ARHGAP28: variants seen among roughly 807,000 people sequenced by gnomAD.
ARHGAP28 encodes the protein rho GTPase-activating protein 28.
Under a neutral mutation model 90.7 loss-of-function variants are expected in ARHGAP28, and 56 were observed. That is an observed-to-expected ratio of 0.62 (90% CI 0.50 to 0.77). The LOEUF (loss-of-function observed/expected upper bound fraction) is 0.77. Ranked by LOEUF, ARHGAP28 falls within the 30% of genes least tolerant of loss-of-function variation. The probability of loss-of-function intolerance (pLI) is 0.00; values close to 1 mark genes in which losing one functional copy is unlikely to be tolerated. For missense variants in ARHGAP28, 869 were observed against 900.9 expected (o/e 0.96, Z 0.45); for synonymous variants, 308 against 323.3 (o/e 0.95, Z 0.51).
intron 1 of ARHGAP28, among the ~76,000 whole-genome samples, chr18:6,808,522 T>C (rs1429592894): frequency 6.6e-6 from 1 of 152,194 alleles, no homozygotes; most frequent in Non-Finnish European, 1.5e-5. Flanking sequence ...CTAGATTTTG[T>C]TGTATTTCCT....
chr18:6,799,083 A>T (rs908238196), intron 1 of ARHGAP28, among the ~76,000 whole-genome samples: 1 of 152,232 alleles, frequency 6.6e-6, no homozygotes, highest in Non-Finnish European at 1.5e-5. Context: ...GATCAGGGAC[A>T]ATATCCTAGA....
At chr18:6,855,399 C>G (rs2056944811) in intron 4 of ARHGAP28, among the ~76,000 whole-genome samples, 1 of 152,158 alleles carries the variant, frequency 6.6e-6, no homozygotes, top group Non-Finnish European at 1.5e-5. Flanking sequence ...TCAGGGACTA[C>G]CAATTGTGGG....
chr18:6,819,385 C>A (rs2056612085), intron 1 of ARHGAP28, among the ~76,000 whole-genome samples: 3 of 152,020 alleles, frequency 2.0e-5, no homozygotes, highest in Non-Finnish European at 4.4e-5. Context: ...GCTGTGGATA[C>A]AAAGAAGTCT....
chr18:6,730,868 A>G (rs1055767477), intron 1 of ARHGAP28, among the ~76,000 whole-genome samples: 1 of 152,086 alleles, frequency 6.6e-6, no homozygotes, highest in Admixed American at 6.5e-5. Flanking sequence ...ATTTTTAATC[A>G]TTTCTTTTAT....
chr18:6,910,520 G>A (rs1042183855), intron 17 of ARHGAP28, among the ~76,000 whole-genome samples: 4 of 152,040 alleles, frequency 2.6e-5, no homozygotes, highest in African/African-American at 9.7e-5. Flanking sequence ...TCCCCAGGAT[G>A]CCCTCCCCCC....
chr18:6,772,297 GTCATATTTATT>G (rs1567942196), intron 1 of ARHGAP28, among the ~76,000 whole-genome samples: 1 of 152,118 alleles, frequency 6.6e-6, no homozygotes, highest in African/African-American at 2.4e-5. Context: ...AGAATGTAAG[GTCATATTTATT>G]ACATTTGTTT....
At chr18:6,847,219 T>A (rs2056872420) in intron 3 of ARHGAP28, among the ~76,000 whole-genome samples, 1 of 152,062 alleles carries the variant, frequency 6.6e-6, no homozygotes, top group Non-Finnish European at 1.5e-5. Flanking sequence ...TTTCACCAGA[T>A]TTCCAGGCAG....
At chr18:6,827,476 C>T (rs1425136058) in intron 2 of ARHGAP28, among the ~76,000 whole-genome samples, 1 of 145,630 alleles carries the variant, frequency 6.9e-6, no homozygotes, top group Admixed American at 6.7e-5. Context: ...TCCTCACTTC[C>T]CAGTAGGGGC....
At chr18:6,881,303 G>A (rs2057176094) in intron 10 of ARHGAP28, among the ~76,000 whole-genome samples, 1 of 152,226 alleles carries the variant, frequency 6.6e-6, no homozygotes, top group Non-Finnish European at 1.5e-5. Flanking sequence ...AGCTTTTAGA[G>A]TTCCCTTTCT....
intron 1 of ARHGAP28, among the ~76,000 whole-genome samples, chr18:6,756,955 G>C (rs192239486): frequency 2.0e-5 from 3 of 152,276 alleles, no homozygotes; most frequent in Non-Finnish European, 4.4e-5. Context: ...CCCACGTTGA[G>C]GGTGGGTCTG....
intron 1 of ARHGAP28, among the ~76,000 whole-genome samples, chr18:6,741,125 C>G (rs1467194668): frequency 6.6e-6 from 1 of 152,102 alleles, no homozygotes; most frequent in Non-Finnish European, 1.5e-5. Context: ...AAGTTGGAGT[C>G]TTGAAAACAT....
chr18:6,752,784 G>A (rs72882597), intron 1 of ARHGAP28, among the ~76,000 whole-genome samples: 2,610 of 152,160 alleles, frequency 0.017, 35 homozygotes, highest in Non-Finnish European at 0.027. Context: ...CTTTTGTTCC[G>A]CTCAGCACTC....
At chr18:6,850,944 A>G in intron 3 of ARHGAP28, 90 bp from the exon 4 acceptor site, 1 of 1,565,506 alleles carries the variant, frequency 6.4e-7, no homozygotes, top group Non-Finnish European at 8.7e-7. Context: ...GTACATATAT[A>G]TAAAAACTCT....
chr18:6,730,853 T>A (rs2055875070), intron 1 of ARHGAP28, among the ~76,000 whole-genome samples: 1 of 152,248 alleles, frequency 6.6e-6, no homozygotes, highest in African/African-American at 2.4e-5. Context: ...GTTTTCATCA[T>A]GTTTATTTTT....
At chr18:6,869,761 A>G (rs1298848747) in intron 6 of ARHGAP28, among the ~76,000 whole-genome samples, 2 of 152,190 alleles carry the variant, frequency 1.3e-5, no homozygotes, top group Non-Finnish European at 2.9e-5. Flanking sequence ...CCTACAGCAG[A>G]GGGCAAAAGA....
At chr18:6,749,402 T>A (rs1349145945) in intron 1 of ARHGAP28, among the ~76,000 whole-genome samples, 1 of 152,200 alleles carries the variant, frequency 6.6e-6, no homozygotes, top group Non-Finnish European at 1.5e-5. Context: ...TAGTCTGCTT[T>A]GATTGCATAT....
chr18:6,887,302 A>G (rs1026060142), intron 12 of ARHGAP28, 63 bp downstream of exon 12: 4 of 1,498,914 alleles, frequency 2.7e-6, no homozygotes, highest in East Asian at 2.3e-5. Flanking sequence ...CATGGCTCAT[A>G]TAGGAAAATG....
chr18:6,749,981 G>T (rs1023283644), intron 1 of ARHGAP28, among the ~76,000 whole-genome samples: 18 of 152,108 alleles, frequency 1.2e-4, no homozygotes, highest in African/African-American at 4.1e-4. Context: ...CATTTGTGAT[G>T]ATCTCCAACT....
chr18:6,772,512 C>T (rs2056251145), intron 1 of ARHGAP28, among the ~76,000 whole-genome samples: 1 of 152,184 alleles, frequency 6.6e-6, no homozygotes, highest in Non-Finnish European at 1.5e-5. Context: ...TTCTGTTTTT[C>T]ACTTTCAGTA....
Sources: gnomAD v4.1 joint callset for allele counts (sites outside exome capture counted in the v4.1 genomes callset) on GRCh38, gnomAD v4.1.1 for gene constraint, MANE v1.5 for transcripts, NCBI Gene and HGNC (gene_info 2026-07-23, HGNC 2026-07-21) for gene names.